HEMK2: variants seen among roughly 807,000 people sequenced by gnomAD.
The protein encoded by HEMK2 is HemK methyltransferase 2, ETF1 glutamine and histone H4 lysine.
the HEMK2 span, among the ~76,000 whole-genome samples, chr21:28,693,107 A>T: frequency 1.3e-5 from 2 of 152,218 alleles, no homozygotes; most frequent in African/African-American, 2.4e-5. Context: ...GAAAATGCTA[A>T]CAACCATTGA....
the HEMK2 span, among the ~76,000 whole-genome samples, chr21:28,680,365 G>A: frequency 3.9e-5 from 6 of 152,156 alleles, no homozygotes; most frequent in Admixed American, 1.3e-4. Context: ...AAGTGGAATC[G>A]CTGAATAGAT....
chr21:28,845,681 G>A, the HEMK2 span, among the ~76,000 whole-genome samples: 1 of 148,724 alleles, frequency 6.7e-6, no homozygotes, highest in Non-Finnish European at 1.5e-5. Flanking sequence ...ATAATTGTAA[G>A]TAGAAATTTT....
chr21:28,650,347 A>G, the HEMK2 span, among the ~76,000 whole-genome samples: 1 of 152,006 alleles, frequency 6.6e-6, no homozygotes, highest in African/African-American at 2.4e-5. Flanking sequence ...GTGAGCCAAG[A>G]TCATGCCATT....
chr21:28,780,411 TCA>T, the HEMK2 span, among the ~76,000 whole-genome samples: 6 of 113,028 alleles, frequency 5.3e-5, no homozygotes, highest in African/African-American at 2.5e-4. Flanking sequence ...TCTCCTGACC[TCA>T]TGATCTGCCC....
At chr21:28,881,515 T>C in the HEMK2 span, among the ~76,000 whole-genome samples, 3 of 151,938 alleles carry the variant, frequency 2.0e-5, no homozygotes, top group South Asian at 2.1e-4. Flanking sequence ...CTTGTTACCA[T>C]GAAGGGAAGA....
At chr21:28,605,309 T>G in the HEMK2 span, among the ~76,000 whole-genome samples, 1 of 152,220 alleles carries the variant, frequency 6.6e-6, no homozygotes, top group African/African-American at 2.4e-5. Context: ...GAAGAACAGA[T>G]TGTTCCTCTG....
At chr21:28,880,333 A>C in the HEMK2 span, among the ~76,000 whole-genome samples, 21 of 152,232 alleles carry the variant, frequency 1.4e-4, no homozygotes, top group Non-Finnish European at 2.5e-4. Context: ...ATATCTGTAC[A>C]GATACCTACC....
the HEMK2 span, among the ~76,000 whole-genome samples, chr21:28,681,436 T>C: frequency 3.3e-5 from 5 of 152,104 alleles, no homozygotes; most frequent in Non-Finnish European, 5.9e-5. Context: ...TCCATGCTCA[T>C]GGGTAGGAAG....
At chr21:28,878,381 A>G in the HEMK2 span, 4 of 1,602,382 alleles carry the variant, frequency 2.5e-6, no homozygotes, top group Non-Finnish European at 2.6e-6. Flanking sequence ...AGTTTGATTT[A>G]GATCACAAAC....
At chr21:28,645,173 C>G in the HEMK2 span, among the ~76,000 whole-genome samples, 1 of 152,146 alleles carries the variant, frequency 6.6e-6, no homozygotes, top group Admixed American at 6.6e-5. Flanking sequence ...CTGTTTAATT[C>G]TCCATGCTGC....
chr21:28,602,914 T>A, the HEMK2 span, among the ~76,000 whole-genome samples: 2 of 152,188 alleles, frequency 1.3e-5, no homozygotes, highest in African/African-American at 4.8e-5. Context: ...CCTCCTTGTA[T>A]CCCTTTTGCC....
At chr21:28,607,138 C>G in the HEMK2 span, among the ~76,000 whole-genome samples, 1 of 152,094 alleles carries the variant, frequency 6.6e-6, no homozygotes, top group African/African-American at 2.4e-5. Context: ...GGGCCGGGTG[C>G]AGTGGTTCAT....
chr21:28,830,261 T>C, the HEMK2 span, among the ~76,000 whole-genome samples: 58 of 152,192 alleles, frequency 3.8e-4, no homozygotes, highest in Non-Finnish European at 6.9e-4. Flanking sequence ...TGGGAGGTAA[T>C]TGGATCATGG....
the HEMK2 span, among the ~76,000 whole-genome samples, chr21:28,609,345 A>G: frequency 6.6e-6 from 1 of 152,188 alleles, no homozygotes; most frequent in South Asian, 2.1e-4. Context: ...CCCTAGGGGA[A>G]AGAGGAGAGC....
the HEMK2 span, among the ~76,000 whole-genome samples, chr21:28,710,238 C>G: frequency 1.3e-5 from 2 of 152,138 alleles, no homozygotes. Flanking sequence ...TGGTTAGAAG[C>G]AAAGGTTAAA....
At chr21:28,734,572 G>A in the HEMK2 span, among the ~76,000 whole-genome samples, 1 of 152,130 alleles carries the variant, frequency 6.6e-6, no homozygotes. Flanking sequence ...GTTTTTACAT[G>A]AAGTGAAGGT....
the HEMK2 span, among the ~76,000 whole-genome samples, chr21:28,746,796 G>A: frequency 6.6e-6 from 1 of 152,172 alleles, no homozygotes; most frequent in African/African-American, 2.4e-5. Context: ...TAAGGCCATT[G>A]GCAGGGGTGA....
chr21:28,681,309 A>G, the HEMK2 span, among the ~76,000 whole-genome samples: 18 of 152,326 alleles, frequency 1.2e-4, no homozygotes, highest in Middle Eastern at 6.8e-3. Flanking sequence ...CAATTGCTTC[A>G]AAGAGAATAA....
chr21:28,684,614 C>G, the HEMK2 span, among the ~76,000 whole-genome samples: 119 of 152,304 alleles, frequency 7.8e-4, no homozygotes, highest in African/African-American at 2.6e-3. Context: ...GGATTTTCAT[C>G]ATTTGGGATT....
Sources: gnomAD v4.1 joint callset for allele counts (sites outside exome capture counted in the v4.1 genomes callset) on GRCh38, gnomAD v4.1.1 for gene constraint, MANE v1.5 for transcripts, NCBI Gene and HGNC (gene_info 2026-07-23, HGNC 2026-07-21) for gene names.